TAFA5: variants seen among roughly 807,000 people sequenced by gnomAD.
TAFA5 encodes the protein TAFA chemokine like family member 5, also known as chemokine-like protein TAFA-5.
TAFA5 carries 6 observed loss-of-function variants against 15.3 expected under a neutral mutation model. That is an observed-to-expected ratio of 0.39 (90% CI 0.21 to 0.77). The LOEUF is 0.77. Among genes scored for constraint, TAFA5 ranks in the 30% least tolerant of loss-of-function variants. The pLI is 0.41. For missense variants in TAFA5, 161 were observed against 193.1 expected (o/e 0.83, Z 0.98); for synonymous variants, 103 against 80.7 (o/e 1.28, Z -1.48).
chr22:48,678,374 T>C (rs132218), intron 2 of TAFA5, among the ~76,000 whole-genome samples: 135,320 of 152,274 alleles, frequency 0.89, 60,408 homozygotes, highest in East Asian at 1. Flanking sequence ...ACTGACCCTA[T>C]GCGGGGCAAA....
At chr22:48,689,656 CGGGCGGA>C (rs67516850) in intron 2 of TAFA5, among the ~76,000 whole-genome samples, 85,148 of 151,400 alleles carry the variant, frequency 0.56, 24,183 homozygotes, top group Middle Eastern at 0.61. Context: ...TGTAGCCCCT[CGGGCGGA>C]CAGACTGGCC....
chr22:48,716,983 C>T (rs747432668), intron 3 of TAFA5, among the ~76,000 whole-genome samples: 1 of 152,110 alleles, frequency 6.6e-6, no homozygotes, highest in Non-Finnish European at 1.5e-5. Context: ...CCTGAAATAG[C>T]AGAAAATGAA....
At chr22:48,652,956 C>A (rs961867739) in intron 2 of TAFA5, among the ~76,000 whole-genome samples, 3 of 152,188 alleles carry the variant, frequency 2.0e-5, no homozygotes, top group Non-Finnish European at 4.4e-5. Context: ...CACCCTGGAC[C>A]CCTCATGGCT....
intron 2 of TAFA5, among the ~76,000 whole-genome samples, chr22:48,659,094 T>C (rs1271408699): frequency 6.6e-6 from 1 of 152,220 alleles, no homozygotes; most frequent in Non-Finnish European, 1.5e-5. Context: ...GCGCAGCGCC[T>C]TCTGGACCCC....
At chr22:48,680,315 G>C (rs1026547064) in intron 2 of TAFA5, among the ~76,000 whole-genome samples, 1 of 152,254 alleles carries the variant, frequency 6.6e-6, no homozygotes, top group African/African-American at 2.4e-5. Flanking sequence ...CTTTTGCTGG[G>C]TTCTCAGAAC....
At chr22:48,524,568 G>A (rs758394459) in intron 1 of TAFA5, among the ~76,000 whole-genome samples, 12 of 152,208 alleles carry the variant, frequency 7.9e-5, no homozygotes, top group African/African-American at 2.4e-4. Flanking sequence ...CAAAACACTC[G>A]GGATGGCTGG....
chr22:48,711,027 T>C (rs1035976017), intron 3 of TAFA5, among the ~76,000 whole-genome samples: 1 of 152,168 alleles, frequency 6.6e-6, no homozygotes, highest in African/African-American at 2.4e-5. Context: ...ACTCAGATAC[T>C]CTGATCTTCC....
At chr22:48,569,239 C>T (rs1923504072) in intron 1 of TAFA5, among the ~76,000 whole-genome samples, 3 of 152,156 alleles carry the variant, frequency 2.0e-5, no homozygotes, top group South Asian at 4.1e-4. Context: ...TGCAGGGCCA[C>T]GGGCCGTGGA....
At chr22:48,515,297 C>T (rs1258822065) in intron 1 of TAFA5, among the ~76,000 whole-genome samples, 1 of 152,118 alleles carries the variant, frequency 6.6e-6, no homozygotes, top group African/African-American at 2.4e-5. Flanking sequence ...GCAGAGCTGG[C>T]AAATGCTGGA....
chr22:48,734,212 C>G (rs1327730171), intron 3 of TAFA5, among the ~76,000 whole-genome samples: 1 of 152,090 alleles, frequency 6.6e-6, no homozygotes. Flanking sequence ...TGGTTGGCAC[C>G]TGTGTAAAAT....
intron 2 of TAFA5, among the ~76,000 whole-genome samples, chr22:48,696,024 A>G (rs906471272): frequency 5.3e-5 from 8 of 152,110 alleles, no homozygotes; most frequent in South Asian, 4.1e-4. Context: ...ACTGGGGTCC[A>G]CTCAGACCCT....
chr22:48,534,631 A>C (rs1203790654), intron 1 of TAFA5, among the ~76,000 whole-genome samples: 1 of 152,170 alleles, frequency 6.6e-6, no homozygotes, highest in East Asian at 1.9e-4. Context: ...ACTTCCGGGA[A>C]TATCTCCTCT....
chr22:48,536,135 G>C (rs1314444780), intron 1 of TAFA5, among the ~76,000 whole-genome samples: 1 of 152,252 alleles, frequency 6.6e-6, no homozygotes, highest in East Asian at 1.9e-4. Flanking sequence ...TTTGGCAGAA[G>C]CAAGTGTCCA....
chr22:48,670,624 C>T (rs906629429), intron 2 of TAFA5, among the ~76,000 whole-genome samples: 9 of 152,224 alleles, frequency 5.9e-5, no homozygotes, highest in Non-Finnish European at 1.2e-4. Flanking sequence ...TGGGCAGGGT[C>T]GAACCCAAGG....
At chr22:48,583,473 C>T (rs1480285143) in intron 1 of TAFA5, among the ~76,000 whole-genome samples, 1 of 144,350 alleles carries the variant, frequency 6.9e-6, no homozygotes, top group Non-Finnish European at 1.6e-5. Flanking sequence ...ATACCACACA[C>T]CACATACAAA....
intron 1 of TAFA5, among the ~76,000 whole-genome samples, chr22:48,633,732 G>T (rs1926332067): frequency 6.6e-6 from 1 of 152,076 alleles, no homozygotes; most frequent in South Asian, 2.1e-4. Flanking sequence ...CCATGTGAGT[G>T]CGTTTGTTTA....
chr22:48,493,681 G>A (rs377160317), intron 1 of TAFA5, among the ~76,000 whole-genome samples: 1 of 152,066 alleles, frequency 6.6e-6, no homozygotes, highest in East Asian at 1.9e-4. Flanking sequence ...TTTTTTTTCA[G>A]CTCCATAAAT....
chr22:48,728,505 G>A (rs1402030326), intron 3 of TAFA5, among the ~76,000 whole-genome samples: 1 of 152,162 alleles, frequency 6.6e-6, no homozygotes, highest in Non-Finnish European at 1.5e-5. Flanking sequence ...GCTTTTGTAA[G>A]CATTGGATGA....
chr22:48,643,539 GAGT>G (rs959981030), intron 1 of TAFA5, among the ~76,000 whole-genome samples: 4 of 152,310 alleles, frequency 2.6e-5, no homozygotes, highest in African/African-American at 9.6e-5. Context: ...TACAGAGGAG[GAGT>G]CCAGCTAGGA....
Sources: gnomAD v4.1 joint callset for allele counts (sites outside exome capture counted in the v4.1 genomes callset) on GRCh38, gnomAD v4.1.1 for gene constraint, MANE v1.5 for transcripts, NCBI Gene and HGNC (gene_info 2026-07-23, HGNC 2026-07-21) for gene names.